LRP1B: variants seen among roughly 807,000 people sequenced by gnomAD.
LRP1B encodes the protein LDL receptor related protein 1B.
Under a neutral mutation model 556.6 loss-of-function variants are expected in LRP1B, and 217 were observed. The ratio of observed to expected loss-of-function variants is 0.39; its 90% CI spans 0.35 to 0.44. The LOEUF is 0.44. Ranked by LOEUF, LRP1B falls within the 20% of genes least tolerant of loss-of-function variation. LRP1B has a pLI of 1.00. For synonymous variants in LRP1B, 2,047 were observed against 1,865.8 expected (o/e 1.10, Z -2.50); for missense variants, 5,053 against 5,620.8 (o/e 0.90, Z 3.23).
rs76310658 is a variant in LRP1B at position 141,013,547 on chromosome 2, T to C, written c.2380+9A>G. On this transcript the variant is annotated intron_variant, in intron 14 of 90. Coordinates refer to ENST00000389484, the MANE Select transcript of LRP1B (RefSeq NM_018557.3). ...AATCTCAGAAGCATTTTAATTTGTT[T>C]TTTAATACCTTGTTGCTTTCGTGGA... 47,679 of 1,595,708 alleles carry C rather than the reference T, an allele frequency of 0.03. 928 individuals carry two copies. Among genetic ancestry groups the C allele is most frequent in the South Asian group, 0.034 (3,027 of 88,190 alleles).
chr2:140,612,262 C>T (rs1336431337), intron 41 of LRP1B, among the ~76,000 whole-genome samples: 1 of 152,050 alleles, frequency 6.6e-6, no homozygotes, highest in Non-Finnish European at 1.5e-5. Flanking sequence ...TAAATATGTT[C>T]ATATCACCAC....
chr2:141,770,354 T>A (rs914458214), intron 2 of LRP1B, among the ~76,000 whole-genome samples: 1 of 152,216 alleles, frequency 6.6e-6, no homozygotes, highest in African/African-American at 2.4e-5. Flanking sequence ...TCTAAGAGAA[T>A]TGGACATTAT....
At chr2:141,647,262 G>T (rs1689604751) in intron 2 of LRP1B, among the ~76,000 whole-genome samples, 1 of 152,176 alleles carries the variant, frequency 6.6e-6, no homozygotes, top group East Asian at 1.9e-4. Context: ...CTGGGTAAAA[G>T]TTAGCAGAGT....
chr2:141,174,374 C>T (rs1680643920), intron 7 of LRP1B, among the ~76,000 whole-genome samples: 1 of 152,038 alleles, frequency 6.6e-6, no homozygotes, highest in African/African-American at 2.4e-5. Flanking sequence ...TGTCTCCACC[C>T]AAATCTCACA....
chr2:142,004,851 C>CA (rs1192718261), intron 1 of LRP1B, among the ~76,000 whole-genome samples: 4 of 150,716 alleles, frequency 2.7e-5, no homozygotes, highest in African/African-American at 4.9e-5. Flanking sequence ...GACTCCATCT[C>CA]AAAAAAAACA....
At chr2:141,380,650 A>G (rs971729537) in intron 3 of LRP1B, among the ~76,000 whole-genome samples, 1 of 152,174 alleles carries the variant, frequency 6.6e-6, no homozygotes. Flanking sequence ...ATGTGCATGT[A>G]TTTCCCACAG....
intron 1 of LRP1B, among the ~76,000 whole-genome samples, chr2:141,905,770 T>C (rs1459344582): frequency 1.9e-4 from 25 of 134,850 alleles, no homozygotes; most frequent in East Asian, 1.3e-3. Context: ...AATAGATGTG[T>C]GTGTGTGTGT....
intron 3 of LRP1B, among the ~76,000 whole-genome samples, chr2:141,472,027 C>T (rs779238753): frequency 6.6e-6 from 1 of 152,204 alleles, no homozygotes; most frequent in Admixed American, 6.5e-5. Flanking sequence ...ATTACTTGTC[C>T]GAAGGAAGTT....
At chr2:141,011,426 T>G (rs1573979058) in intron 14 of LRP1B, among the ~76,000 whole-genome samples, 1 of 152,152 alleles carries the variant, frequency 6.6e-6, no homozygotes, top group African/African-American at 2.4e-5. Context: ...ATACTAAAAA[T>G]TTAGAACTCA....
At chr2:141,538,364 A>G (rs1468154817) in intron 2 of LRP1B, among the ~76,000 whole-genome samples, 1 of 152,160 alleles carries the variant, frequency 6.6e-6, no homozygotes, top group Non-Finnish European at 1.5e-5. Flanking sequence ...ATAGTAAATG[A>G]CAAGAATACG....
At chr2:141,805,825 A>C (rs1696151588) in intron 2 of LRP1B, 1 of 152,126 alleles carries the variant, frequency 6.6e-6, no homozygotes, top group Non-Finnish European at 1.5e-5. Context: ...AATATTTACT[A>C]TCTGCTTTTT....
intron 3 of LRP1B, among the ~76,000 whole-genome samples, chr2:141,415,686 G>A (rs776215992): frequency 6.6e-6 from 1 of 152,080 alleles, no homozygotes; most frequent in Non-Finnish European, 1.5e-5. Flanking sequence ...AAGCATCAGA[G>A]GTGGCCAAAT....
intron 2 of LRP1B, among the ~76,000 whole-genome samples, chr2:141,800,197 T>C (rs58136890): frequency 0.11 from 16,727 of 152,106 alleles, 1,209 homozygotes; most frequent in African/African-American, 0.2. Flanking sequence ...TTGTATGGCA[T>C]CATGGAAAGC....
rs1559080362 is a variant in LRP1B, at chr2:142,115,727, TAATATATATGTAATATATATATTA to T, written c.82+14897_82+14920del. Among the ~76,000 whole-genome samples, 16 of 16,128 alleles carry T rather than the reference TAATATATATGTAATATATATATTA, an allele frequency of 9.9e-4. 6 individuals are homozygous for T. Among genetic ancestry groups the T allele is most frequent in the African/African-American group, 2.5e-3 (16 of 6,530 alleles). 10.6% of individuals were successfully genotyped at this position (16,128 alleles called of 152,430 possible). On this transcript the variant is annotated intron_variant, in intron 1 of 90. Coordinates refer to ENST00000389484, the MANE Select transcript of LRP1B (RefSeq NM_018557.3). ...ATATAATATATATGTAATATATATA[TAATATATATGTAATATATATATTA>T]TATATATGTAATATATATCATATAT... is the stretch of plus-strand genomic sequence containing the variant.
intron 10 of LRP1B, among the ~76,000 whole-genome samples, chr2:141,050,513 A>T (rs144871602): frequency 6.6e-6 from 1 of 152,098 alleles, no homozygotes; most frequent in East Asian, 1.9e-4. Context: ...TTCATCCCTG[A>T]CAGGCCCCGT....
intron 33 of LRP1B, among the ~76,000 whole-genome samples, chr2:140,774,440 G>C (rs1487513513): frequency 2.6e-5 from 4 of 152,042 alleles, no homozygotes; most frequent in Non-Finnish European, 5.9e-5. Flanking sequence ...AACTTCATTG[G>C]AATTATATCT....
At chr2:141,938,767 T>C (rs1307708094) in intron 1 of LRP1B, among the ~76,000 whole-genome samples, 7 of 152,062 alleles carry the variant, frequency 4.6e-5, no homozygotes, top group South Asian at 4.1e-4. Context: ...TATGTGTGTG[T>C]GTGTGTATAT....
intron 1 of LRP1B, among the ~76,000 whole-genome samples, chr2:141,947,826 A>C (rs1700998142): frequency 6.7e-6 from 1 of 148,936 alleles, no homozygotes; most frequent in African/African-American, 2.5e-5. Flanking sequence ...GAAAAAAAAA[A>C]CAACAATACT....
chr2:141,488,965 G>T (rs1429709506), intron 2 of LRP1B, among the ~76,000 whole-genome samples: 16 of 111,048 alleles, frequency 1.4e-4, no homozygotes, highest in Middle Eastern at 4.5e-3. Flanking sequence ...ACATGGGTTT[G>T]TTTTTTTTTG....
Sources: allele counts gnomAD v4.1 joint callset (sites outside exome capture counted in the v4.1 genomes callset), GRCh38; gene constraint gnomAD v4.1.1; transcripts MANE v1.5; gene names NCBI Gene and HGNC (gene_info 2026-07-23, HGNC 2026-07-21).